DLGAP2: variants seen among roughly 807,000 people sequenced by gnomAD.
DLGAP2 encodes the protein DLG associated protein 2.
A neutral mutation model predicts 100.3 loss-of-function variants in DLGAP2; 26 were observed. That is an observed-to-expected ratio of 0.26 (90% CI 0.19 to 0.36). The LOEUF (loss-of-function observed/expected upper bound fraction) is 0.36, where lower values mean the gene tolerates loss of function less well. Ranked by LOEUF, DLGAP2 falls within the 10% of genes least tolerant of loss-of-function variation. The pLI, the probability that DLGAP2 is intolerant of heterozygous loss-of-function variation, is 1.00. For synonymous variants in DLGAP2, 886 were observed against 630.1 expected (o/e 1.41, Z -6.08); for missense variants, 1,858 against 1,453.2 (o/e 1.28, Z -4.53).
At chr8:1,599,634 T>G (rs1409318681) in intron 6 of DLGAP2, among the ~76,000 whole-genome samples, 1 of 152,234 alleles carries the variant, frequency 6.6e-6, no homozygotes, top group East Asian at 1.9e-4. Context: ...TGTGATGCTC[T>G]TCTTTGTCTT....
chr8:970,337 T>A (rs1421597330), intron 2 of DLGAP2, among the ~76,000 whole-genome samples: 9 of 152,334 alleles, frequency 5.9e-5, no homozygotes, highest in African/African-American at 1.7e-4. Context: ...ATTTTATTTT[T>A]AAAAAATTGT....
chr8:1,201,458 G>A (rs548727678), intron 2 of DLGAP2, among the ~76,000 whole-genome samples: 246 of 152,312 alleles, frequency 1.6e-3, no homozygotes, highest in South Asian at 3.1e-3. Flanking sequence ...GGAAGGGGAG[G>A]AAGATTCTCC....
chr8:744,889 C>G (rs1023972489), intron 1 of DLGAP2, among the ~76,000 whole-genome samples: 5 of 152,222 alleles, frequency 3.3e-5, no homozygotes, highest in South Asian at 2.1e-4. Flanking sequence ...TCCCAGCCTC[C>G]GAATTCCTCG....
intron 2 of DLGAP2, among the ~76,000 whole-genome samples, chr8:1,092,588 A>G (rs1804222092): frequency 6.6e-6 from 1 of 152,212 alleles, no homozygotes; most frequent in African/African-American, 2.4e-5. Flanking sequence ...CCCACTTCAG[A>G]GGAGTCACAT....
chr8:1,251,656 G>A (rs1157075608), intron 2 of DLGAP2, among the ~76,000 whole-genome samples: 2 of 152,196 alleles, frequency 1.3e-5, no homozygotes, highest in Non-Finnish European at 2.9e-5. Flanking sequence ...TTTGGCCTCT[G>A]TGTCAGGTCA....
At chr8:1,325,605 G>C (rs751103070) in intron 3 of DLGAP2, among the ~76,000 whole-genome samples, 1 of 152,194 alleles carries the variant, frequency 6.6e-6, no homozygotes. Flanking sequence ...CCCCTGAAAG[G>C]ATTAAGGGGA....
At chr8:1,324,662 C>G (rs1381829968) in intron 3 of DLGAP2, among the ~76,000 whole-genome samples, 1 of 152,202 alleles carries the variant, frequency 6.6e-6, no homozygotes, top group Non-Finnish European at 1.5e-5. Context: ...GGAATTGATT[C>G]CTGTGTCCTT....
intron 2 of DLGAP2, among the ~76,000 whole-genome samples, chr8:1,137,109 T>C (rs905355429): frequency 6.6e-6 from 1 of 152,196 alleles, no homozygotes; most frequent in African/African-American, 2.4e-5. Flanking sequence ...GGTTGGTTTC[T>C]CCTGAGGCCT....
intron 2 of DLGAP2, among the ~76,000 whole-genome samples, chr8:973,667 C>G (rs1247660720): frequency 4.6e-5 from 7 of 152,242 alleles, no homozygotes; most frequent in Non-Finnish European, 1.5e-5. Context: ...CCAGCCTCTG[C>G]TTTTTCTCAG....
intron 2 of DLGAP2, among the ~76,000 whole-genome samples, chr8:1,096,633 C>A (rs1291059097): frequency 6.9e-6 from 1 of 145,112 alleles, no homozygotes; most frequent in Non-Finnish European, 1.5e-5. Context: ...GTGAGACCCA[C>A]CTCCCTGCGC....
chr8:1,438,664 C>T (rs1018227211), intron 3 of DLGAP2, among the ~76,000 whole-genome samples: 1 of 152,198 alleles, frequency 6.6e-6, no homozygotes, highest in Non-Finnish European at 1.5e-5. Context: ...CCAGAGTTTT[C>T]TCCTCCAAGG....
At position 1,425,050 on chromosome 8, in the gene DLGAP2, A is replaced by T. The variant is rs769494873; in HGVS notation, c.107-76316A>T. 3.9e-5 allele frequency among the ~76,000 whole-genome samples: 6 copies of T among 152,338 alleles called. No homozygotes were observed. In the East Asian group the frequency reaches 9.6e-4, roughly 24 times the overall value. On this transcript the variant is annotated intron_variant, in intron 3 of 14. Coordinates refer to ENST00000637795, the MANE Select transcript of DLGAP2 (RefSeq NM_001346810.2). ...ATGTGTAGCTGATCTCAATTTAAAC[A>T]TTTAAAAAATTTTTTGCACTTAGTT...
chr8:879,359 G>A (rs912674794), intron 1 of DLGAP2, among the ~76,000 whole-genome samples: 1 of 152,196 alleles, frequency 6.6e-6, no homozygotes, highest in African/African-American at 2.4e-5. Flanking sequence ...TGCTTGGGGA[G>A]CGTAGGGTTT....
intron 3 of DLGAP2, among the ~76,000 whole-genome samples, chr8:1,472,869 C>T (rs1344335601): frequency 1.3e-5 from 2 of 152,170 alleles, no homozygotes; most frequent in Non-Finnish European, 2.9e-5. Context: ...TTTCACATGG[C>T]CCATACATTC....
At chr8:1,636,862 T>C (rs1797778342) in intron 8 of DLGAP2, among the ~76,000 whole-genome samples, 1 of 152,250 alleles carries the variant, frequency 6.6e-6, no homozygotes, top group Non-Finnish European at 1.5e-5. Flanking sequence ...TGAAAATGGA[T>C]GTCAGCTGGG....
rs77315514 is a variant in DLGAP2 at position 1,198,916 on chromosome 8, G to A, written c.74-59935G>A. ...CACAGGGAAGGGTGGCAGCGGGCGT[G>A]TGTGCCCGGGACCTGGATACAGGCA... On this transcript the variant is annotated intron_variant, in intron 2 of 14. Coordinates refer to ENST00000637795, the MANE Select transcript of DLGAP2 (RefSeq NM_001346810.2). Among the ~76,000 whole-genome samples, 1,330 of 152,370 alleles carry A rather than the reference G, an allele frequency of 8.7e-3. 11 individuals carry two copies. The highest frequency in any genetic ancestry group is 0.012 in the Non-Finnish European group (848 of 68,042).
intron 2 of DLGAP2, among the ~76,000 whole-genome samples, chr8:1,153,717 A>T (rs1410064288): frequency 6.6e-6 from 1 of 152,224 alleles, no homozygotes; most frequent in African/African-American, 2.4e-5. Flanking sequence ...GACCATTAAC[A>T]TTATTTTAAT....
At chr8:1,557,289 C>T (rs1316090907) in intron 5 of DLGAP2, among the ~76,000 whole-genome samples, 2 of 152,138 alleles carry the variant, frequency 1.3e-5, no homozygotes, top group African/African-American at 2.4e-5. Context: ...AGCCGGGGGG[C>T]TCACAATAGG....
intron 1 of DLGAP2, among the ~76,000 whole-genome samples, chr8:845,373 G>T (rs1186862572): frequency 6.6e-6 from 1 of 152,138 alleles, no homozygotes. Context: ...GTATTTTAGG[G>T]TATGGTGTTG....
Sources: gnomAD v4.1 joint callset for allele counts (sites outside exome capture counted in the v4.1 genomes callset) on GRCh38, gnomAD v4.1.1 for gene constraint, MANE v1.5 for transcripts, NCBI Gene and HGNC (gene_info 2026-07-23, HGNC 2026-07-21) for gene names.